Variants in ZEB1 observed in about 807,000 individuals in gnomAD.
The protein encoded by ZEB1 is zinc finger E-box-binding homeobox 1.
Under a neutral mutation model 84.9 loss-of-function variants are expected in ZEB1, and 21 were observed. The observed-to-expected ratio is 0.25, with a 90% CI of 0.18 to 0.36. The LOEUF (loss-of-function observed/expected upper bound fraction) is 0.36. ZEB1 is among the 10% of genes least tolerant of loss of function. The pLI, the probability that ZEB1 is intolerant of heterozygous loss-of-function variation, is 1.00. For synonymous variants in ZEB1, 420 were observed against 471.1 expected (o/e 0.89, Z 1.41); for missense variants, 1,104 against 1,330.2 (o/e 0.83, Z 2.65).
rs145156968 is a variant in ZEB1, at chr10:31,341,474, A to C, written c.58+22182A>C. Among the ~76,000 whole-genome samples the C allele has an allele frequency of 9.4e-3, 1,424 of 152,232 alleles. 24 individuals are homozygous for C. Among genetic ancestry groups the C allele is most frequent in the African/African-American group, 0.033 (1,364 of 41,542 alleles). On this transcript the variant is annotated intron_variant, in intron 1 of 8. Transcript: ENST00000424869. ...AATATATGAATAATCAGTTGAGGAGACAAACGGAAGTCAGTTTTGGATATT... is the reference window on the plus strand; with the variant it reads ...AATATATGAATAATCAGTTGAGGAGCCAAACGGAAGTCAGTTTTGGATATT...
At chr10:31,402,248 G>A (rs1460495915) in intron 1 of ZEB1, among the ~76,000 whole-genome samples, 1 of 151,962 alleles carries the variant, frequency 6.6e-6, no homozygotes, top group East Asian at 1.9e-4. Flanking sequence ...AGAAAAGAAA[G>A]TATAAATGTA....
chr10:31,525,284 T>C (rs1010573553), intron 8 of ZEB1, among the ~76,000 whole-genome samples: 1 of 152,146 alleles, frequency 6.6e-6, no homozygotes, highest in African/African-American at 2.4e-5. Context: ...TTACAGAAAA[T>C]AGTTGCCAAC....
chr10:31,461,248 T>A lies in ZEB1; in HGVS notation c.259+11T>A. The A allele has an allele frequency of 2.5e-6, 4 of 1,571,846 alleles. No individual in the cohort carries two copies. The highest frequency in any genetic ancestry group is 3.5e-6 in the Non-Finnish European group (4 of 1,150,958). On this transcript the variant is annotated intron_variant, in intron 2 of 8. Coordinates refer to ENST00000424869, the MANE Select transcript of ZEB1 (RefSeq NM_001174096.2). ...GCTGGGAGGATGACAGTAAGTCTGA[T>A]TTTTTTTTGTAATATTGTATTCTCA...
chr10:31,355,927 A>G (rs922977366), intron 1 of ZEB1, among the ~76,000 whole-genome samples: 6 of 152,144 alleles, frequency 3.9e-5, no homozygotes, highest in East Asian at 1.9e-4. Flanking sequence ...ACTATAGTAT[A>G]TATAGAAGCA....
chr10:31,491,586 G>T (rs1264797607), intron 2 of ZEB1, among the ~76,000 whole-genome samples: 2 of 151,830 alleles, frequency 1.3e-5, no homozygotes, highest in South Asian at 2.1e-4. Context: ...AAAGAAAAAG[G>T]TAAGGGGAAT....
rs574105670 is a variant in ZEB1, at chr10:31,405,916, TC to T, written c.59-55118del. Among the ~76,000 whole-genome samples the T allele has an allele frequency of 3.9e-5, 6 of 152,276 alleles. No individual in the cohort carries two copies. In the East Asian group the frequency reaches 1.2e-3, roughly 29 times the overall value. Reference sequence around the variant, plus strand: ...TGTCCATGTGTTCTCATTGTTCAACTCCCACTTATGAGTGAGAACATGCGGT... The same window carrying T: ...TGTCCATGTGTTCTCATTGTTCAACTCCACTTATGAGTGAGAACATGCGGT... On this transcript the variant is annotated intron_variant, in intron 1 of 8. Coordinates refer to ENST00000424869, the MANE Select transcript of ZEB1 (RefSeq NM_001174096.2).
At chr10:31,389,326 T>A (rs1429874620) in intron 1 of ZEB1, among the ~76,000 whole-genome samples, 1 of 152,102 alleles carries the variant, frequency 6.6e-6, no homozygotes, top group Non-Finnish European at 1.5e-5. Flanking sequence ...TGGGAGAAGA[T>A]TTGATTTTCA....
chr10:31,354,111 A>G (rs1267869881), intron 1 of ZEB1, among the ~76,000 whole-genome samples: 2 of 152,184 alleles, frequency 1.3e-5, no homozygotes, highest in African/African-American at 4.8e-5. Context: ...GTGGGAACAG[A>G]GCAAAAGAAG....
chr10:31,449,263 G>T (rs2060226458), intron 1 of ZEB1, among the ~76,000 whole-genome samples: 1 of 152,244 alleles, frequency 6.6e-6, no homozygotes, highest in Non-Finnish European at 1.5e-5. Context: ...GCCTCGCCCT[G>T]CTTCGGCTTG....
At chr10:31,465,367 A>T (rs1009876073) in intron 2 of ZEB1, among the ~76,000 whole-genome samples, 1 of 151,920 alleles carries the variant, frequency 6.6e-6, no homozygotes, top group African/African-American at 2.4e-5. Context: ...ATAGATTGTT[A>T]TGACTATAAA....
At chr10:31,477,514 A>G (rs1260090039) in intron 2 of ZEB1, among the ~76,000 whole-genome samples, 1 of 152,076 alleles carries the variant, frequency 6.6e-6, no homozygotes, top group Non-Finnish European at 1.5e-5. Flanking sequence ...ACAATCCTGA[A>G]GTTCATATGG....
In ZEB1 at chr10:31,523,857, ATC is replaced by A. The variant is rs1440843023; in HGVS notation, c.2605-73_2605-72del. 1.7e-4 allele frequency: 253 copies of A among 1,510,968 alleles called. 1 individual carries two copies. The highest frequency in any genetic ancestry group is 2.3e-4 in the Non-Finnish European group (247 of 1,094,648). The allele number at this position is 1,510,968 out of a possible 1,614,324, so 93.6% of individuals were successfully genotyped here. On this transcript the variant is annotated intron_variant, in intron 7 of 8. Transcript: ENST00000424869. ...AAAGTATAAGTTAAAGTAGTTCTTT[ATC>A]TCATGCTTTTATGTATATCTCTTGT... is the stretch of plus-strand genomic sequence containing the variant.
intron 1 of ZEB1, chr10:31,387,308 C>T (rs916147235): frequency 3.0e-6 from 3 of 985,460 alleles, no homozygotes; most frequent in African/African-American, 3.5e-5. Flanking sequence ...GGCCCAGGCT[C>T]CTAACCTAAG....
rs115144649 is a variant in ZEB1 at position 31,486,988 on chromosome 10, A to G, written c.260-8788A>G. The stretch of plus-strand genomic sequence containing the variant: ...TTCATTTCTTCAATATGGATGTCCA[A>G]TTGTGCCAATACTGCTTGTTGAAAA... On this transcript the variant is annotated intron_variant, in intron 2 of 8. Coordinates refer to ENST00000424869, the MANE Select transcript of ZEB1 (RefSeq NM_001174096.2). Among the ~76,000 whole-genome samples, 859 of 151,438 alleles carry G rather than the reference A, an allele frequency of 5.7e-3. 13 individuals carry two copies. The highest frequency in any genetic ancestry group is 0.02 in the African/African-American group (812 of 41,446).
intron 1 of ZEB1, among the ~76,000 whole-genome samples, chr10:31,400,231 T>TA (rs1480646448): frequency 1.3e-5 from 2 of 152,192 alleles, no homozygotes; most frequent in African/African-American, 4.8e-5. Flanking sequence ...CACATAGAAA[T>TA]ATAGTGTTTG....
At position 31,340,336 on chromosome 10, in the gene ZEB1, T is replaced by G. The variant is rs561980945; in HGVS notation, c.58+21044T>G. Among the ~76,000 whole-genome samples, 165 of 152,308 alleles carry G rather than the reference T, an allele frequency of 1.1e-3. 1 individual carries two copies. The South Asian group carries it at 0.024, about 22-fold the overall frequency. On this transcript the variant is annotated intron_variant, in intron 1 of 8. Transcript: ENST00000424869. ...TTTTATGAATTACTAACTTACTTTT[T>G]TAGGACAGACTTGAAATCATTTAGA...
At chr10:31,469,973 G>C (rs1274120321) in intron 2 of ZEB1, among the ~76,000 whole-genome samples, 1 of 151,984 alleles carries the variant, frequency 6.6e-6, no homozygotes, top group Non-Finnish European at 1.5e-5. Flanking sequence ...CACACGGCAG[G>C]GTACTCCAAC....
At chr10:31,325,489 A>G (rs563773941) in intron 1 of ZEB1, among the ~76,000 whole-genome samples, 1 of 152,048 alleles carries the variant, frequency 6.6e-6, no homozygotes, top group Non-Finnish European at 1.5e-5. Flanking sequence ...AACATTATGT[A>G]TTTATTGAGA....
intron 1 of ZEB1, among the ~76,000 whole-genome samples, chr10:31,436,960 AT>A (rs1484280824): frequency 6.6e-6 from 1 of 152,098 alleles, no homozygotes; most frequent in Non-Finnish European, 1.5e-5. Flanking sequence ...GATATTATTT[AT>A]TTTCTGGAAT....
Sources: allele counts gnomAD v4.1 joint callset (sites outside exome capture counted in the v4.1 genomes callset), GRCh38; gene constraint gnomAD v4.1.1; transcripts MANE v1.5; gene names NCBI Gene and HGNC (gene_info 2026-07-23, HGNC 2026-07-21).